PTGR1: variants seen among roughly 807,000 people sequenced by gnomAD.
PTGR1 encodes prostaglandin reductase 1, also known as 15-oxoprostaglandin 13-reductase.
In PTGR1, 23 loss-of-function variants were observed where a neutral mutation model predicts 37.7. The ratio of observed to expected loss-of-function variants is 0.61; its 90% CI spans 0.44 to 0.86. The LOEUF (loss-of-function observed/expected upper bound fraction) is 0.86. PTGR1 is among the 40% of genes least tolerant of loss of function. The pLI is 0.00. For synonymous variants in PTGR1, 134 were observed against 140.0 expected (o/e 0.96, Z 0.30); for missense variants, 351 against 394.3 (o/e 0.89, Z 0.93).
chr9:111,566,053 A>G (rs1489271818), intron 9 of PTGR1, among the ~76,000 whole-genome samples: 1 of 151,958 alleles, frequency 6.6e-6, no homozygotes, highest in Non-Finnish European at 1.5e-5. Flanking sequence ...CTCTACTAAA[A>G]ATAGCCGAGA....
At chr9:111,577,329 T>C (rs1177892646) in intron 7 of PTGR1, 1 of 152,174 alleles carries the variant, frequency 6.6e-6, no homozygotes, top group East Asian at 1.9e-4. Flanking sequence ...GGTGAGTATG[T>C]AGAGAAGTTG....
intron 7 of PTGR1, chr9:111,576,671 T>G: frequency 2.5e-6 from 1 of 407,658 alleles, no homozygotes; most frequent in Non-Finnish European, 4.4e-6. Context: ...GTGAGATATG[T>G]GCAAACATGT....
intron 2 of PTGR1, among the ~76,000 whole-genome samples, chr9:111,595,712 C>CAATCTCCA (rs1364001264): frequency 6.6e-5 from 10 of 152,156 alleles, no homozygotes; most frequent in Non-Finnish European, 1.5e-5. Flanking sequence ...TGGCTCACTG[C>CAATCTCCA]AATCTCCACC....
chr9:111,557,912 G>A (rs1022383886), downstream of PTGR1, among the ~76,000 whole-genome samples: 1 of 152,128 alleles, frequency 6.6e-6, no homozygotes, highest in Non-Finnish European at 1.5e-5. Context: ...GCTTTGGGAG[G>A]CCAAGGCAGG....
chr9:111,559,931 T>C (rs1828225788), downstream of PTGR1, among the ~76,000 whole-genome samples: 1 of 152,054 alleles, frequency 6.6e-6, no homozygotes, highest in African/African-American at 2.4e-5. Flanking sequence ...CTTTCCAGAG[T>C]TTTTGTACAG....
intron 9 of PTGR1, chr9:111,569,855 G>T (rs1432400936): frequency 3.5e-6 from 2 of 565,438 alleles, no homozygotes; most frequent in East Asian, 6.8e-5. Context: ...TTATAAAAGG[G>T]AGAGAAGGGA....
At chr9:111,549,985 T>C (rs995723002) in intron 9 of PTGR1, among the ~76,000 whole-genome samples, 5 of 152,218 alleles carry the variant, frequency 3.3e-5, no homozygotes, top group African/African-American at 1.2e-4. Flanking sequence ...AGCTAGACAT[T>C]TGAATTTTAT....
intron 4 of PTGR1, 97 bp from the exon 5 acceptor site, chr9:111,586,262 C>T: frequency 8.2e-7 from 1 of 1,219,356 alleles, no homozygotes; most frequent in Non-Finnish European, 1.2e-6. Flanking sequence ...CAAAAGTGCA[C>T]TGAGGTTGAT....
At chr9:111,569,703 T>C (rs1300819811) in intron 9 of PTGR1, among the ~76,000 whole-genome samples, 1 of 152,124 alleles carries the variant, frequency 6.6e-6, no homozygotes, top group African/African-American at 2.4e-5. Flanking sequence ...AGGCGGAGGT[T>C]GCCGTGAGCT....
At chr9:111,558,161 T>C (rs147864898), downstream of PTGR1, among the ~76,000 whole-genome samples, 647 of 152,256 alleles carry the variant, frequency 4.2e-3, 11 homozygotes, top group African/African-American at 0.014. Flanking sequence ...AAAAAAACTA[T>C]GGAAGTACTC....
At chr9:111,593,931 CCTT>C (rs1829697573) in intron 3 of PTGR1, among the ~76,000 whole-genome samples, 1 of 147,516 alleles carries the variant, frequency 6.8e-6, no homozygotes, top group Admixed American at 6.8e-5. Context: ...TTTTTTTTTT[CCTT>C]CTTTTTTTTT....
chr9:111,570,317 G>A, intron 8 of PTGR1, 108 bp from the exon 9 acceptor site: 1 of 1,453,952 alleles, frequency 6.9e-7, no homozygotes, highest in South Asian at 1.5e-5. Flanking sequence ...GTTTTTTGGT[G>A]CTTCTCCCCT....
chr9:111,581,813 A>G (rs1045565578), intron 6 of PTGR1, among the ~76,000 whole-genome samples: 8 of 152,086 alleles, frequency 5.3e-5, no homozygotes, highest in African/African-American at 1.7e-4. Flanking sequence ...ATTAAAAGGC[A>G]TTTTCAGATG....
chr9:111,556,884 C>T (rs947737495), intron 9 of PTGR1, among the ~76,000 whole-genome samples: 2 of 152,196 alleles, frequency 1.3e-5, no homozygotes, highest in Non-Finnish European at 2.9e-5. Flanking sequence ...TCAATTAAGC[C>T]CAAGCTATAC....
chr9:111,587,938 TA>T (rs773628116), intron 4 of PTGR1, among the ~76,000 whole-genome samples: 5 of 152,158 alleles, frequency 3.3e-5, no homozygotes, highest in Non-Finnish European at 5.9e-5. Flanking sequence ...TAATGTTAAT[TA>T]TTTTTTTCCT....
chr9:111,566,097 G>A (rs1828549304), intron 9 of PTGR1, among the ~76,000 whole-genome samples: 1 of 152,060 alleles, frequency 6.6e-6, no homozygotes, highest in Non-Finnish European at 1.5e-5. Context: ...CAGCTACTTG[G>A]GAGGCTGAAG....
intron 9 of PTGR1, among the ~76,000 whole-genome samples, chr9:111,556,714 A>C (rs1030811718): frequency 6.6e-6 from 1 of 152,156 alleles, no homozygotes; most frequent in African/African-American, 2.4e-5. Flanking sequence ...GTGAGTTCTC[A>C]TGAGATCTGG....
intron 6 of PTGR1, among the ~76,000 whole-genome samples, chr9:111,582,802 C>T (rs1049258510): frequency 3.9e-5 from 6 of 152,236 alleles, no homozygotes; most frequent in Non-Finnish European, 8.8e-5. Flanking sequence ...CTCATCTGTA[C>T]TCCATCTAAC....
At chr9:111,585,190 C>G (rs1829394839) in intron 5 of PTGR1, among the ~76,000 whole-genome samples, 1 of 152,180 alleles carries the variant, frequency 6.6e-6, no homozygotes, top group Non-Finnish European at 1.5e-5. Flanking sequence ...ATCCAAATAT[C>G]TAACATGCAT....
Sources: gnomAD v4.1 joint callset for allele counts (sites outside exome capture counted in the v4.1 genomes callset) on GRCh38, gnomAD v4.1.1 for gene constraint, MANE v1.5 for transcripts, NCBI Gene and HGNC (gene_info 2026-07-23, HGNC 2026-07-21) for gene names.